Variants in SEC16A observed in about 807,000 individuals in gnomAD.
SEC16A encodes SEC16 homolog A, endoplasmic reticulum export factor, also known as protein transport protein Sec16A.
SEC16A carries 110 observed loss-of-function variants against 221.9 expected under a neutral mutation model. The ratio of observed to expected loss-of-function variants is 0.50; its 90% confidence interval spans 0.42 to 0.58. The LOEUF (loss-of-function observed/expected upper bound fraction) is 0.58. Ranked by LOEUF, SEC16A falls within the 20% of genes least tolerant of loss-of-function variation. SEC16A has a pLI of 0.00. For synonymous variants in SEC16A, 1,393 were observed against 1,257.7 expected, an observed-to-expected ratio of 1.11 and a Z score of -2.28; for missense variants, 3,165 against 3,097.8, an observed-to-expected ratio of 1.02 and a Z score of -0.52.
upstream of SEC16A, chr9:136,483,572 C>G (rs959432423): frequency 6.1e-6 from 6 of 985,188 alleles, no homozygotes; most frequent in African/African-American, 3.5e-5. Context: ...CAGTACGTCG[C>G]CCTGTTTACG....
intron 17 of SEC16A, among the ~76,000 whole-genome samples, chr9:136,458,905 TA>T (rs551869655): frequency 2.0e-5 from 3 of 150,970 alleles, no homozygotes; most frequent in South Asian, 4.2e-4. Context: ...CTGTCTCCCT[TA>T]AAAAAAAAGC....
chr9:136,457,684 C>T (rs1838878263), intron 17 of SEC16A, 100 bp from the exon 18 acceptor site: 1 of 1,420,716 alleles, frequency 7.0e-7, no homozygotes, highest in East Asian at 2.5e-5. Context: ...TGCATCCGAG[C>T]ATCGCCCTGT....
intron 4 of SEC16A, among the ~76,000 whole-genome samples, chr9:136,470,013 A>G (rs1588978708): frequency 6.6e-6 from 1 of 152,346 alleles, no homozygotes; most frequent in Admixed American, 6.5e-5. Flanking sequence ...ATTCATCAGG[A>G]GCAACACAGT....
chr9:136,447,003 C>G lies in SEC16A; in HGVS notation c.6698-54G>C, dbSNP rs755412300. 4 of 1,611,618 alleles carry G rather than the reference C, an allele frequency of 2.5e-6. No homozygotes were observed. In the East Asian group the frequency reaches 8.9e-5, roughly 36 times the overall value. ...ATTCCGTCCCGAACGTCCCTGGGGT[C>G]TCACTGAAGACACTCCGAGAGGAAG... On this transcript the variant is annotated intron_variant, in intron 27 of 31. Coordinates refer to ENST00000684901, the MANE Select transcript of SEC16A (RefSeq NM_014866.2). This position sits in a 1 kb window ranked among gnomAD's most constrained non-coding sequence, Gnocchi z 5.5.
At chr9:136,456,597 G>A (rs1407483924) in intron 18 of SEC16A, among the ~76,000 whole-genome samples, 1 of 152,252 alleles carries the variant, frequency 6.6e-6, no homozygotes, top group Non-Finnish European at 1.5e-5. Flanking sequence ...ACCTAAGGAC[G>A]CATGCATGAA....
Position 136,443,803 on chromosome 9 carries a change from GA to G in SEC16A, c.7005+19del, listed in dbSNP as rs752655382. The G allele has an allele frequency of 1.9e-6, 3 of 1,603,810 alleles. No individual in the cohort carries two copies. The highest frequency in any genetic ancestry group is 1.1e-5 in the South Asian group (1 of 90,092). ...AGTGGGCGTGTTAGGGTCTCGTAGG[GA>G]AAGGTAGGAGTCACTCACCTGTGCC... On this transcript the variant is annotated intron_variant, in intron 31 of 31. Transcript: ENST00000684901.
At chr9:136,445,245 A>G (rs1447251101) in intron 29 of SEC16A, 134 bp from the exon 30 acceptor site, 2 of 771,398 alleles carry the variant, frequency 2.6e-6, no homozygotes, top group East Asian at 2.7e-5. Flanking sequence ...AAGGGAAAAA[A>G]AAGCCAGTGT....
chr9:136,446,727 G>A, intron 28 of SEC16A, 128 bp downstream of exon 28: 1 of 893,824 alleles, frequency 1.1e-6, no homozygotes, highest in Non-Finnish European at 1.7e-6. Context: ...ATAAGTGTGA[G>A]GCGTTTAAGG....
In SEC16A at chr9:136,456,970, G is replaced by A. The variant is rs548315765; in HGVS notation, c.5550+474C>T. On this transcript the variant is annotated intron_variant, in intron 18 of 31. Transcript: ENST00000684901. Reference sequence around the variant, plus strand: ...ATGCATCACTTGAGGTCAAGAGTTCGAGACCAGCCTGGCCAACATGGTGAA... The same window carrying A: ...ATGCATCACTTGAGGTCAAGAGTTCAAGACCAGCCTGGCCAACATGGTGAA... Among the ~76,000 whole-genome samples, 13 of 152,194 alleles carry A rather than the reference G, an allele frequency of 8.5e-5. No individual in the cohort carries two copies. In the East Asian group the frequency reaches 9.7e-4, roughly 11 times the overall value.
chr9:136,449,987 T>G (rs1837564374), intron 23 of SEC16A, among the ~76,000 whole-genome samples: 2 of 152,136 alleles, frequency 1.3e-5, no homozygotes, highest in South Asian at 4.2e-4. Context: ...GCAGATCACT[T>G]GAGGTCAGGA....
intron 3 of SEC16A, among the ~76,000 whole-genome samples, chr9:136,473,816 A>G (rs1425040817): frequency 1.3e-5 from 2 of 152,238 alleles, no homozygotes; most frequent in Non-Finnish European, 2.9e-5. Flanking sequence ...AAGCAATTCA[A>G]GATGCTAACG....
chr9:136,464,454 C>A lies in SEC16A; in HGVS notation c.4412G>T (p.Gly1471Val). ...GTGGACCTCCACCAAGGCCGGCTGT[C>A]CTTCTGAAGGCAGATTGGGAATCAC... is the stretch of plus-strand genomic sequence containing the variant. Reference protein sequence around the residue: ...IKVIPNLPSEGQPALVEVHSM... With the variant: ...IKVIPNLPSEVQPALVEVHSM... Residue 1471 changes from glycine (G) to valine (V), a missense_variant, in exon 9 of 32, where the codon GGA becomes GTA. Coordinates refer to ENST00000684901, the MANE Select transcript of SEC16A (RefSeq NM_014866.2). 1 of 1,612,254 alleles carries A rather than the reference C, an allele frequency of 6.2e-7. No individual in the cohort carries two copies. The highest frequency in any genetic ancestry group is 8.5e-7 in the Non-Finnish European group (1 of 1,178,388).
intron 30 of SEC16A, among the ~76,000 whole-genome samples, chr9:136,444,371 C>T (rs1163123606): frequency 1.3e-5 from 2 of 152,230 alleles, no homozygotes; most frequent in Non-Finnish European, 2.9e-5. Flanking sequence ...CTGCTGCACC[C>T]GCCCCGGCCT....
chr9:136,463,593 G>A lies in SEC16A; in HGVS notation c.4517C>T (p.Thr1506Ile). 2.5e-6 allele frequency: 4 copies of A among 1,613,812 alleles called. No homozygotes were observed. The highest frequency in any genetic ancestry group is 3.4e-6 in the Non-Finnish European group (4 of 1,179,826). Residue 1506 changes from threonine to isoleucine, a missense_variant, in exon 11 of 32, where the codon ACC becomes ATC. Thr to Ile is a moderately conservative substitution (Grantham distance 89). Coordinates refer to ENST00000684901, the MANE Select transcript of SEC16A (RefSeq NM_014866.2). ...AFPGPLAKDD[T>I]HKVDVINFAQ... ...AAAATTAATGACATCCACCTTATGG[G>A]TGTCGTCTCTGCAGAAAGAACACAC...
chr9:136,451,042 G>A (rs1481575567), intron 23 of SEC16A, among the ~76,000 whole-genome samples: 1 of 152,208 alleles, frequency 6.6e-6, no homozygotes, highest in Non-Finnish European at 1.5e-5. Context: ...GGGCCGGGCT[G>A]TGTCCCCATG....
intron 30 of SEC16A, 52 bp from the exon 31 acceptor site, chr9:136,443,952 T>C (rs1697931129): frequency 1.5e-6 from 2 of 1,329,830 alleles, no homozygotes; most frequent in African/African-American, 1.5e-5. Flanking sequence ...ACAGCAGCTG[T>C]CACTTCAAGT....
chr9:136,463,176 G>C (rs1440286405), intron 11 of SEC16A, 44 bp from the exon 12 acceptor site: 1 of 1,597,900 alleles, frequency 6.3e-7, no homozygotes, highest in East Asian at 2.2e-5. Context: ...ACGGCTCTCA[G>C]GTGAGGACGC....
In SEC16A at chr9:136,457,428, G is replaced by A. The variant is rs766285183; in HGVS notation, c.5550+16C>T. On this transcript the variant is annotated intron_variant, in intron 18 of 31. Coordinates refer to ENST00000684901, the MANE Select transcript of SEC16A (RefSeq NM_014866.2). ...AGTCAGCACAGCATCCCGAGGACAG[G>A]CGCCAGGGGCAGCACCTGCACAAGC... is the stretch of plus-strand genomic sequence containing the variant. The A allele has an allele frequency of 2.5e-6, 4 of 1,592,782 alleles. No individual in the cohort carries two copies. The Admixed American group carries it at 6.9e-5, about 28-fold the overall frequency.
intron 11 of SEC16A, 80 bp from the exon 12 acceptor site, chr9:136,463,212 C>T (rs1229963171): frequency 1.3e-6 from 2 of 1,552,538 alleles, no homozygotes; most frequent in East Asian, 4.5e-5. Flanking sequence ...GCACAAAGCC[C>T]CACCCTGGAC....
Sources: allele counts gnomAD v4.1 joint callset (sites outside exome capture counted in the v4.1 genomes callset), GRCh38; gene constraint gnomAD v4.1.1; non-coding constraint Gnocchi (gnomAD v3.1); transcripts MANE v1.5; gene names NCBI Gene and HGNC (gene_info 2026-07-23, HGNC 2026-07-21).